SHROOM4: variants seen among roughly 807,000 people sequenced by gnomAD.
SHROOM4 encodes shroom family member 4.
A neutral mutation model predicts 80.3 loss-of-function variants in SHROOM4; 17 were observed. The observed-to-expected ratio is 0.21, with a 90% CI of 0.14 to 0.32. The LOEUF is 0.32. Ranked by LOEUF, SHROOM4 falls within the 10% of genes least tolerant of loss-of-function variation. SHROOM4 has a pLI of 1.00. For synonymous variants in SHROOM4, 400 were observed against 437.5 expected (o/e 0.91, Z 1.07); for missense variants, 993 against 1,140.3 (o/e 0.87, Z 1.86).
At chrX:50,805,737 G>A (rs1406240674) in intron 1 of SHROOM4, among the ~76,000 whole-genome samples, 1 of 111,579 alleles carries the variant, frequency 9.0e-6, no homozygotes, top group Non-Finnish European at 1.9e-5. Flanking sequence ...GAAACAGGAG[G>A]GTGTGGAGAG....
At chrX:50,611,429 A>T (rs1358674199) in intron 5 of SHROOM4, among the ~76,000 whole-genome samples, 8 of 111,049 alleles carry the variant, frequency 7.2e-5, no homozygotes, top group African/African-American at 2.6e-4. Flanking sequence ...TTTTCTAATG[A>T]CAATACGGTA....
chrX:50,650,715 C>G (rs1453502577), intron 2 of SHROOM4, among the ~76,000 whole-genome samples: 5 of 112,029 alleles, frequency 4.5e-5, no homozygotes, highest in Non-Finnish European at 9.4e-5. Flanking sequence ...ATCATTTACC[C>G]AGGCAACTGT....
chrX:50,670,622 C>T (rs1336482916), intron 2 of SHROOM4, among the ~76,000 whole-genome samples: 1 of 111,699 alleles, frequency 9.0e-6, no homozygotes, highest in Non-Finnish European at 1.9e-5. Flanking sequence ...TGGGTATATA[C>T]CCAGTAATCA....
At chrX:50,665,305 G>A (rs782435710) in intron 2 of SHROOM4, among the ~76,000 whole-genome samples, 11 of 110,917 alleles carry the variant, frequency 9.9e-5, no homozygotes, top group Non-Finnish European at 1.5e-4. Context: ...ATCTCAGGTC[G>A]AGGCAAAGTT....
intron 1 of SHROOM4, among the ~76,000 whole-genome samples, chrX:50,747,006 A>G (rs1397937833): frequency 8.9e-6 from 1 of 112,098 alleles, no homozygotes; most frequent in African/African-American, 3.2e-5. Flanking sequence ...TTATAATACA[A>G]CCAATCCACA....
chrX:50,647,870 A>G (rs1931897716), intron 2 of SHROOM4, among the ~76,000 whole-genome samples: 1 of 112,037 alleles, frequency 8.9e-6, no homozygotes, highest in Non-Finnish European at 1.9e-5. Context: ...CAACTTGACA[A>G]TCAGGAGGAG....
At chrX:50,663,748 T>G (rs1004435974) in intron 2 of SHROOM4, among the ~76,000 whole-genome samples, 7 of 111,246 alleles carry the variant, frequency 6.3e-5, no homozygotes, top group African/African-American at 2.3e-4. Flanking sequence ...TTTGCAAGCA[T>G]AGTGTTATGT....
Position 50,807,386 on chromosome X carries a change from A to C in SHROOM4, c.117+6516T>G, listed in dbSNP as rs955438033. ...TCAGTGGAGGTATGCAGGGAAATATATATCTGACAGTGGATAGGGACAGAG... is the reference window on the plus strand; with the variant it reads ...TCAGTGGAGGTATGCAGGGAAATATCTATCTGACAGTGGATAGGGACAGAG... On this transcript the variant is annotated intron_variant, in intron 1 of 8. Coordinates refer to ENST00000376020, the MANE Select transcript of SHROOM4 (RefSeq NM_020717.5). Among the ~76,000 whole-genome samples, 5 of 111,705 alleles carry C rather than the reference A, an allele frequency of 4.5e-5. No homozygotes were observed. In the East Asian group the frequency reaches 1.1e-3, roughly 25 times the overall value.
intron 1 of SHROOM4, among the ~76,000 whole-genome samples, chrX:50,740,048 T>C (rs1934613332): frequency 1.6e-5 from 1 of 62,265 alleles, no homozygotes; most frequent in South Asian, 1.1e-3. Flanking sequence ...TGGATGAAGC[T>C]GGAAACCTTC....
intron 2 of SHROOM4, among the ~76,000 whole-genome samples, chrX:50,640,352 C>CT (rs1479939704): frequency 4.6e-5 from 5 of 109,676 alleles, no homozygotes; most frequent in Admixed American, 2.9e-4. Flanking sequence ...TCTACTGAGT[C>CT]TTTTTTTTAT....
At chrX:50,673,779 T>A (rs111437128) in intron 2 of SHROOM4, among the ~76,000 whole-genome samples, 8,126 of 109,885 alleles carry the variant, frequency 0.074, 765 homozygotes, top group African/African-American at 0.25. Flanking sequence ...AAGAAATAAA[T>A]GGCATTCAGA....
At chrX:50,635,957 G>A (rs1931339696) in intron 3 of SHROOM4, among the ~76,000 whole-genome samples, 1 of 111,225 alleles carries the variant, frequency 9.0e-6, no homozygotes, top group East Asian at 2.8e-4. Context: ...ACATTAGCAA[G>A]TCTGAAATTG....
intron 2 of SHROOM4, among the ~76,000 whole-genome samples, chrX:50,683,917 C>T (rs1426619599): frequency 9.0e-6 from 1 of 110,969 alleles, no homozygotes; most frequent in Non-Finnish European, 1.9e-5. Context: ...AATATTAATA[C>T]ATAAGGGGCA....
intron 5 of SHROOM4, among the ~76,000 whole-genome samples, chrX:50,615,434 T>C (rs910781609): frequency 9.0e-6 from 1 of 111,004 alleles, no homozygotes; most frequent in Non-Finnish European, 1.9e-5. Context: ...CCCCAAAGCA[T>C]GGGATAGGTG....
chrX:50,714,862 A>T (rs2147500755), intron 1 of SHROOM4, among the ~76,000 whole-genome samples: 1 of 111,712 alleles, frequency 9.0e-6, no homozygotes, highest in African/African-American at 3.3e-5. Context: ...GCTTCAGAGA[A>T]TACTGTTCTG....
intron 1 of SHROOM4, among the ~76,000 whole-genome samples, chrX:50,755,541 A>T (rs905882478): frequency 1.5e-4 from 17 of 112,306 alleles, no homozygotes; most frequent in African/African-American, 5.5e-4. Context: ...AACATAAGAC[A>T]CGACAAGTAT....
rs187449016 is a variant in SHROOM4 at position 50,642,857 on chromosome X, A to T, written c.270-4549T>A. On this transcript the variant is annotated intron_variant, in intron 2 of 8. Coordinates refer to ENST00000376020, the MANE Select transcript of SHROOM4 (RefSeq NM_020717.5). ...GAGCACATAGCTAATAACCAGCAGA[A>T]TTGGGAATGAAACTCAGATCCTCCA... 7.9e-4 allele frequency among the ~76,000 whole-genome samples: 89 copies of T among 112,019 alleles called. 1 individual carries two copies. The highest frequency in any genetic ancestry group is 2.8e-3 in the African/African-American group (86 of 30,862).
At chrX:50,683,451 G>C (rs887065785) in intron 2 of SHROOM4, among the ~76,000 whole-genome samples, 1 of 111,799 alleles carries the variant, frequency 8.9e-6, no homozygotes, top group Non-Finnish European at 1.9e-5. Context: ...TGGTTGCACT[G>C]TGGAGAATAA....
chrX:50,758,614 C>T (rs1246938200), intron 1 of SHROOM4, among the ~76,000 whole-genome samples: 3 of 112,173 alleles, frequency 2.7e-5, no homozygotes, highest in Non-Finnish European at 5.6e-5. Context: ...ATTCAGTTTG[C>T]AAGTATTTTG....
Sources: allele counts gnomAD v4.1 joint callset (sites outside exome capture counted in the v4.1 genomes callset), GRCh38; gene constraint gnomAD v4.1.1; transcripts MANE v1.5; gene names NCBI Gene and HGNC (gene_info 2026-07-23, HGNC 2026-07-21).